The following NUBPL variants were observed in gnomAD, a reference collection of about 807,000 sequenced individuals.
NUBPL encodes the protein iron-sulfur cluster transfer protein NUBPL.
NUBPL carries 31 observed loss-of-function variants against 45.7 expected under a neutral mutation model. The observed-to-expected ratio is 0.68, with a 90% CI of 0.51 to 0.92. NUBPL has a LOEUF of 0.92. Among genes scored for constraint, NUBPL ranks in the 40% least tolerant of loss-of-function variants. NUBPL has a pLI of 0.00. For synonymous variants in NUBPL, 144 were observed against 140.9 expected, an observed-to-expected ratio of 1.02 and a Z score of -0.15; for missense variants, 401 against 398.7, an observed-to-expected ratio of 1.01 and a Z score of -0.05.
At chr14:31,852,189 A>T (rs1013625466) in intron 10 of NUBPL, among the ~76,000 whole-genome samples, 1 of 152,230 alleles carries the variant, frequency 6.6e-6, no homozygotes, top group African/African-American at 2.4e-5. Flanking sequence ...ATGAGAAAGA[A>T]TAAATGAAAT....
At chr14:31,836,476 T>G (rs2040283225) in intron 8 of NUBPL, among the ~76,000 whole-genome samples, 1 of 152,204 alleles carries the variant, frequency 6.6e-6, no homozygotes, top group Admixed American at 6.5e-5. Flanking sequence ...AGCTTAACAG[T>G]ATATGAAGTA....
intron 4 of NUBPL, among the ~76,000 whole-genome samples, chr14:31,621,316 G>T (rs1259463827): frequency 6.6e-6 from 1 of 152,044 alleles, no homozygotes. Flanking sequence ...GGCGTTCCAG[G>T]TGCCACTGAG....
chr14:31,675,085 C>G (rs1468694725), intron 6 of NUBPL, among the ~76,000 whole-genome samples: 1 of 150,056 alleles, frequency 6.7e-6, no homozygotes, highest in East Asian at 1.9e-4. Context: ...TGCAGTGAGC[C>G]GAGATCGTGC....
chr14:31,571,433 C>T (rs962086266), intron 3 of NUBPL, among the ~76,000 whole-genome samples: 2 of 151,272 alleles, frequency 1.3e-5, no homozygotes, highest in African/African-American at 4.8e-5. Flanking sequence ...TTGAAGTGTT[C>T]CCTGAATTCC....
At chr14:31,806,058 T>G (rs1339208123) in intron 7 of NUBPL, among the ~76,000 whole-genome samples, 3 of 152,200 alleles carry the variant, frequency 2.0e-5, no homozygotes, top group African/African-American at 7.2e-5. Context: ...AACATTTATA[T>G]GTAGAAAAAA....
intron 1 of NUBPL, 60 bp downstream of exon 1, chr14:31,561,607 A>G: frequency 2.7e-6 from 3 of 1,118,538 alleles, no homozygotes; most frequent in Non-Finnish European, 3.5e-6. Flanking sequence ...GCAGGGCCGC[A>G]GATGCCCTGG....
chr14:31,625,602 A>T (rs1476703087), intron 4 of NUBPL, among the ~76,000 whole-genome samples: 1 of 151,104 alleles, frequency 6.6e-6, no homozygotes, highest in South Asian at 2.1e-4. Context: ...CAGCCTCCTG[A>T]GTAGCTGGGA....
intron 4 of NUBPL, among the ~76,000 whole-genome samples, chr14:31,607,397 C>A (rs558268817): frequency 8.3e-4 from 123 of 148,874 alleles, no homozygotes; most frequent in Non-Finnish European, 1.6e-3. Flanking sequence ...AAAAAAACAA[C>A]AAAAAAACAC....
chr14:31,561,488 G>A lies in NUBPL; in HGVS notation c.49G>A (p.Ala17Thr). 7.1e-7 allele frequency: 1 copy of A among 1,403,190 alleles called. No homozygotes were observed. The highest frequency in any genetic ancestry group is 9.3e-7 in the Non-Finnish European group (1 of 1,070,506). 86.9% of individuals were successfully genotyped at this position (1,403,190 alleles called of 1,614,324 possible). The change falls in exon 1 of 11, where the codon GCT becomes ACT. Residue 17 changes from alanine (A) to threonine (T), a missense_variant. By Grantham distance (58) the Ala-to-Thr change is moderately conservative (BLOSUM62 0). Coordinates refer to ENST00000281081, the MANE Select transcript of NUBPL (RefSeq NM_025152.3). The stretch of plus-strand genomic sequence containing the variant: ...GCTTTTTGGTGGGGTGTCGCTCCGG[G>A]CTGGTGGCGGGGCCACTGCCCCGCT... ...LLLFGGVSLR[A>T]GGGATAPLGG...
At chr14:31,646,195 CT>C (rs962364111) in intron 4 of NUBPL, among the ~76,000 whole-genome samples, 18 of 150,896 alleles carry the variant, frequency 1.2e-4, no homozygotes, top group African/African-American at 4.4e-4. Flanking sequence ...CCTTCCCCCG[CT>C]TTTTTTTTGA....
chr14:31,649,568 T>C (rs2035945914), intron 4 of NUBPL, among the ~76,000 whole-genome samples: 1 of 152,324 alleles, frequency 6.6e-6, no homozygotes, highest in African/African-American at 2.4e-5. Flanking sequence ...AAATTTTAAC[T>C]TTTAAGGTTT....
Position 31,653,305 on chromosome 14 carries a change from G to T in NUBPL, c.383-20050G>T, listed in dbSNP as rs557241785. Among the ~76,000 whole-genome samples, 9 of 152,298 alleles carry T rather than the reference G, an allele frequency of 5.9e-5. No individual in the cohort carries two copies. The South Asian group carries it at 1.9e-3, about 32-fold the overall frequency. On this transcript the variant is annotated intron_variant, in intron 4 of 10. Coordinates refer to ENST00000281081, the MANE Select transcript of NUBPL (RefSeq NM_025152.3). ...CAGGGTGGGGTTTTTCCCCACTCTAGTGAGCCTGAGAGTACTGCAGGAGAC... is the reference window on the plus strand; with the variant it reads ...CAGGGTGGGGTTTTTCCCCACTCTATTGAGCCTGAGAGTACTGCAGGAGAC...
chr14:31,790,674 A>AC (rs778962919), intron 7 of NUBPL, among the ~76,000 whole-genome samples: 55 of 151,678 alleles, frequency 3.6e-4, no homozygotes, highest in Non-Finnish European at 7.1e-4. Context: ...ACATGGTGAA[A>AC]CCCCATCTCT....
At chr14:31,648,432 C>T (rs901839475) in intron 4 of NUBPL, among the ~76,000 whole-genome samples, 3 of 152,186 alleles carry the variant, frequency 2.0e-5, no homozygotes, top group African/African-American at 7.2e-5. Context: ...ATCCATATTC[C>T]TACACCATAT....
rs370212650 is a variant in NUBPL, at chr14:31,631,168, T to C, written c.382+31789T>C. On this transcript the variant is annotated intron_variant, in intron 4 of 10. Coordinates refer to ENST00000281081, the MANE Select transcript of NUBPL (RefSeq NM_025152.3). Reference sequence around the variant, plus strand: ...TTTCAGGAGTTATAGTCTTCCCTGCTGTAATTCCATGTCTAAAACATAGTT... The same window carrying C: ...TTTCAGGAGTTATAGTCTTCCCTGCCGTAATTCCATGTCTAAAACATAGTT... Among the ~76,000 whole-genome samples the C allele has an allele frequency of 7.9e-5, 12 of 152,318 alleles. No homozygotes were observed. The South Asian group carries it at 1.2e-3, about 16-fold the overall frequency.
At chr14:31,806,571 G>T (rs1170456772) in intron 7 of NUBPL, among the ~76,000 whole-genome samples, 1 of 151,960 alleles carries the variant, frequency 6.6e-6, no homozygotes, top group Non-Finnish European at 1.5e-5. Flanking sequence ...AAAAATACAA[G>T]GGTTTTATCT....
intron 6 of NUBPL, among the ~76,000 whole-genome samples, chr14:31,724,156 T>G (rs1232384971): frequency 6.6e-6 from 1 of 152,216 alleles, no homozygotes; most frequent in African/African-American, 2.4e-5. Context: ...ACTTGGTATC[T>G]TTAGTGATAT....
chr14:31,602,524 T>C (rs2034470003), intron 4 of NUBPL, among the ~76,000 whole-genome samples: 1 of 151,954 alleles, frequency 6.6e-6, no homozygotes, highest in Non-Finnish European at 1.5e-5. Flanking sequence ...AAAAAGTATA[T>C]ATATAAAAAG....
chr14:31,762,444 C>T (rs924039150), intron 6 of NUBPL, among the ~76,000 whole-genome samples: 1 of 152,126 alleles, frequency 6.6e-6, no homozygotes, highest in African/African-American at 2.4e-5. Context: ...ACAAATCTTC[C>T]TCTTATATGG....
Sources: allele counts gnomAD v4.1 joint callset (sites outside exome capture counted in the v4.1 genomes callset), GRCh38; gene constraint gnomAD v4.1.1; transcripts MANE v1.5; gene names NCBI Gene and HGNC (gene_info 2026-07-23, HGNC 2026-07-21).